The following COLEC12 variants were observed in gnomAD, a reference collection of about 807,000 sequenced individuals.
COLEC12 encodes the protein collectin subfamily member 12, also known as collectin-12.
COLEC12 carries 33 observed loss-of-function variants against 71.1 expected under a neutral mutation model. That is an observed-to-expected ratio of 0.46 (90% CI 0.35 to 0.62). The LOEUF is 0.62. Among genes scored for constraint, COLEC12 ranks in the 20% least tolerant of loss-of-function variants. COLEC12 has a pLI of 0.00. For synonymous variants in COLEC12, 350 were observed against 353.0 expected, an observed-to-expected ratio of 0.99 and a Z score of 0.10; for missense variants, 765 against 916.1, an observed-to-expected ratio of 0.84 and a Z score of 2.13.
intron 2 of COLEC12, among the ~76,000 whole-genome samples, chr18:370,019 A>C (rs896147883): frequency 2.0e-5 from 3 of 152,222 alleles, no homozygotes; most frequent in Admixed American, 6.5e-5. Context: ...CCTACAAGGC[A>C]GAAAAAAATA....
At chr18:326,619 G>A (rs1913849604) in intron 8 of COLEC12, among the ~76,000 whole-genome samples, 1 of 152,172 alleles carries the variant, frequency 6.6e-6, no homozygotes, top group Admixed American at 6.5e-5. Context: ...AAAGTGTTGG[G>A]ATTACAGGCG....
chr18:456,088 G>A (rs1916866945), intron 2 of COLEC12, among the ~76,000 whole-genome samples: 1 of 152,180 alleles, frequency 6.6e-6, no homozygotes, highest in Non-Finnish European at 1.5e-5. Flanking sequence ...GCTGGTTTAA[G>A]AGGGTCTTGC....
chr18:477,115 A>T (rs1917320626), intron 2 of COLEC12, among the ~76,000 whole-genome samples: 1 of 152,214 alleles, frequency 6.6e-6, no homozygotes. Context: ...ACTAAAATGC[A>T]ATAATGAATC....
chr18:498,708 CCGGGGA>C (rs1917760451), intron 1 of COLEC12, among the ~76,000 whole-genome samples: 1 of 151,970 alleles, frequency 6.6e-6, no homozygotes, highest in African/African-American at 2.4e-5. Context: ...ATTAGTCTAC[CCGGGGA>C]TTCACCAGTC....
intron 2 of COLEC12, among the ~76,000 whole-genome samples, chr18:454,296 G>A (rs891582059): frequency 5.9e-5 from 9 of 152,126 alleles, no homozygotes; most frequent in African/African-American, 1.4e-4. Flanking sequence ...GCTACGATGC[G>A]CTTCCCAAAT....
Position 438,185 on chromosome 18 carries a change from T to C in COLEC12, c.58+42522A>G, listed in dbSNP as rs528970667. The stretch of plus-strand genomic sequence containing the variant: ...ACTATTGGATATAAAAAAGTAGATA[T>C]GAGTGATTTCAGATGTTGTAAAGTC... On this transcript the variant is annotated intron_variant, in intron 2 of 9. Transcript: ENST00000400256. Among the ~76,000 whole-genome samples the C allele has an allele frequency of 2.0e-3, 299 of 152,332 alleles. 2 individuals carry two copies. Among genetic ancestry groups the C allele is most frequent in the Non-Finnish European group, 3.7e-3 (253 of 68,028 alleles).
intron 2 of COLEC12, among the ~76,000 whole-genome samples, chr18:394,671 C>A (rs1915531097): frequency 6.6e-6 from 1 of 152,172 alleles, no homozygotes; most frequent in Non-Finnish European, 1.5e-5. Flanking sequence ...AACGGGAGGA[C>A]CACTGAGTCC....
At chr18:415,550 G>A (rs193057858) in intron 2 of COLEC12, among the ~76,000 whole-genome samples, 4 of 136,140 alleles carry the variant, frequency 2.9e-5, no homozygotes, top group Admixed American at 2.2e-4. Context: ...AACTATAATT[G>A]TTTACCTGTC....
At chr18:389,144 T>A (rs1016256832) in intron 2 of COLEC12, among the ~76,000 whole-genome samples, 1 of 151,826 alleles carries the variant, frequency 6.6e-6, no homozygotes, top group African/African-American at 2.4e-5. Context: ...TCAGGCAGAA[T>A]TAGAAAATAA....
intron 2 of COLEC12, among the ~76,000 whole-genome samples, chr18:478,790 G>A (rs1039756594): frequency 3.9e-5 from 6 of 151,942 alleles, no homozygotes; most frequent in Middle Eastern, 3.4e-3. Context: ...TTTTAATTTC[G>A]TCCTTCTCTT....
intron 5 of COLEC12, among the ~76,000 whole-genome samples, chr18:337,773 G>GT (rs1042655496): frequency 1.3e-5 from 2 of 152,110 alleles, no homozygotes; most frequent in Non-Finnish European, 2.9e-5. Context: ...TCTAACCTGC[G>GT]TGTCTACAGC....
chr18:443,493 T>C (rs558861277), intron 2 of COLEC12, among the ~76,000 whole-genome samples: 1 of 152,348 alleles, frequency 6.6e-6, no homozygotes, highest in African/African-American at 2.4e-5. Context: ...AAATAGTTGG[T>C]TCTGGAAGTG....
intron 8 of COLEC12, among the ~76,000 whole-genome samples, chr18:326,652 T>C (rs1913850525): frequency 6.6e-6 from 1 of 152,126 alleles, no homozygotes; most frequent in Admixed American, 6.6e-5. Context: ...CCTGGCCTGA[T>C]AGTTTTGGCT....
intron 2 of COLEC12, among the ~76,000 whole-genome samples, chr18:427,186 C>A (rs1916213801): frequency 2.0e-5 from 3 of 152,168 alleles, no homozygotes; most frequent in Admixed American, 2.0e-4. Flanking sequence ...AGAAGACTTG[C>A]ATACTGGGGC....
chr18:448,023 C>A (rs1916686108), intron 2 of COLEC12, among the ~76,000 whole-genome samples: 1 of 152,076 alleles, frequency 6.6e-6, no homozygotes. Context: ...AAATACGTAT[C>A]CAAAAAGTTC....
chr18:388,478 C>T (rs971505056), intron 2 of COLEC12, among the ~76,000 whole-genome samples: 1 of 152,194 alleles, frequency 6.6e-6, no homozygotes, highest in African/African-American at 2.4e-5. Context: ...AGCAGCTAAC[C>T]TGATCATCTA....
intron 2 of COLEC12, among the ~76,000 whole-genome samples, chr18:422,117 G>C (rs1407844737): frequency 2.0e-5 from 3 of 152,142 alleles, no homozygotes; most frequent in Non-Finnish European, 4.4e-5. Flanking sequence ...GAGTCACCAG[G>C]GTTAGGTAGT....
rs370072492 is a variant in COLEC12 at position 379,985 on chromosome 18, A to AT, written c.59-22464dup. 4.5e-3 allele frequency among the ~76,000 whole-genome samples: 677 copies of AT among 150,636 alleles called. 6 individuals carry two copies. The highest frequency in any genetic ancestry group is 0.015 in the African/African-American group (637 of 41,106). On this transcript the variant is annotated intron_variant, in intron 2 of 9. Coordinates refer to ENST00000400256, the MANE Select transcript of COLEC12 (RefSeq NM_130386.3). ...TACCCAAAGCTGAGGTAAGAGCTTT[A>AT]TTTTTTTTTTCCAATGATGAAGAAA...
intron 2 of COLEC12, among the ~76,000 whole-genome samples, chr18:416,958 G>A (rs1023355582): frequency 6.6e-6 from 1 of 151,944 alleles, no homozygotes. Context: ...GCATGGATGT[G>A]TGGGAAAGTA....
Sources: allele counts gnomAD v4.1 joint callset (sites outside exome capture counted in the v4.1 genomes callset), GRCh38; gene constraint gnomAD v4.1.1; transcripts MANE v1.5; gene names NCBI Gene and HGNC (gene_info 2026-07-23, HGNC 2026-07-21).